Variants in SEMA5A observed in about 807,000 individuals in gnomAD.
SEMA5A encodes semaphorin-5A.
In SEMA5A, 55 loss-of-function variants were observed where a neutral mutation model predicts 135.5. The observed-to-expected ratio is 0.41, with a 90% CI of 0.33 to 0.51. The LOEUF is 0.51. SEMA5A is among the 20% of genes least tolerant of loss of function. The pLI is 0.37. For missense variants in SEMA5A, 1,290 were observed against 1,419.9 expected (o/e 0.91, Z 1.47); for synonymous variants, 580 against 546.5 (o/e 1.06, Z -0.85).
At chr5:9,182,482 ATTT>A (rs1001170749) in intron 11 of SEMA5A, among the ~76,000 whole-genome samples, 33 of 152,204 alleles carry the variant, frequency 2.2e-4, no homozygotes, top group African/African-American at 6.7e-4. Flanking sequence ...CACCCATGAA[ATTT>A]TACTACAGAT....
intron 5 of SEMA5A, chr5:9,280,903 TTAAA>T (rs1434052187): frequency 4.0e-6 from 1 of 247,034 alleles, no homozygotes; most frequent in Non-Finnish European, 8.5e-6. Context: ...TGTATACAAT[TTAAA>T]TAATTCCTCC....
At chr5:9,323,723 A>G (rs535786177) in intron 4 of SEMA5A, among the ~76,000 whole-genome samples, 2 of 135,322 alleles carry the variant, frequency 1.5e-5, no homozygotes, top group South Asian at 4.5e-4. Flanking sequence ...GTGCAATGGC[A>G]TGATCTCGAC....
intron 16 of SEMA5A, among the ~76,000 whole-genome samples, chr5:9,102,469 T>A (rs1300147251): frequency 6.6e-6 from 1 of 152,094 alleles, no homozygotes; most frequent in Admixed American, 6.6e-5. Context: ...CAGATAAAAT[T>A]GTCCCAGAAA....
intron 11 of SEMA5A, among the ~76,000 whole-genome samples, chr5:9,168,012 T>A (rs543405223): frequency 6.6e-6 from 1 of 152,244 alleles, no homozygotes; most frequent in Non-Finnish European, 1.5e-5. Flanking sequence ...TGTTAAAAAT[T>A]CTATAGGTGT....
chr5:9,537,489 C>T (rs1464090975), intron 1 of SEMA5A, among the ~76,000 whole-genome samples: 1 of 152,188 alleles, frequency 6.6e-6, no homozygotes, highest in African/African-American at 2.4e-5. Flanking sequence ...ATAAAAATGT[C>T]ACCCACCCCA....
At chr5:9,162,086 G>C (rs1357505191) in intron 11 of SEMA5A, among the ~76,000 whole-genome samples, 26 of 152,194 alleles carry the variant, frequency 1.7e-4, no homozygotes, top group Non-Finnish European at 1.5e-5. Context: ...ACGACCATTA[G>C]AAAAGGTTAT....
chr5:9,510,255 G>C (rs774860732), intron 1 of SEMA5A, among the ~76,000 whole-genome samples: 34 of 152,174 alleles, frequency 2.2e-4, no homozygotes, highest in Non-Finnish European at 4.7e-4. Context: ...GGGTCAGTGA[G>C]GATTCACAGC....
intron 1 of SEMA5A, among the ~76,000 whole-genome samples, chr5:9,519,484 G>C (rs1479618579): frequency 6.6e-6 from 1 of 152,202 alleles, no homozygotes; most frequent in East Asian, 1.9e-4. Flanking sequence ...ACTAGCTGCT[G>C]TGTCCAATCC....
At chr5:9,123,649 T>C (rs1740951113) in intron 13 of SEMA5A, among the ~76,000 whole-genome samples, 1 of 152,142 alleles carries the variant, frequency 6.6e-6, no homozygotes, top group Admixed American at 6.5e-5. Flanking sequence ...TATGTGCCTT[T>C]AAAAAATGAA....
chr5:9,460,265 T>C (rs1759005541), intron 1 of SEMA5A, among the ~76,000 whole-genome samples: 2 of 152,190 alleles, frequency 1.3e-5, no homozygotes, highest in African/African-American at 4.8e-5. Flanking sequence ...TGATAGGAGT[T>C]CATGGGTTAG....
At chr5:9,171,090 T>C (rs40719) in intron 11 of SEMA5A, among the ~76,000 whole-genome samples, 69,420 of 152,110 alleles carry the variant, frequency 0.46, 16,202 homozygotes, top group Non-Finnish European at 0.51. Context: ...ACTAGAATGA[T>C]GGCAAAAAGA....
intron 5 of SEMA5A, among the ~76,000 whole-genome samples, chr5:9,264,948 C>A (rs924648288): frequency 1.3e-5 from 2 of 152,102 alleles, no homozygotes; most frequent in Non-Finnish European, 2.9e-5. Context: ...AGTACATTAT[C>A]CCTTGTTTCA....
chr5:9,175,112 A>T (rs2150314799), intron 11 of SEMA5A, among the ~76,000 whole-genome samples: 1 of 152,262 alleles, frequency 6.6e-6, no homozygotes, highest in African/African-American at 2.4e-5. Context: ...ATTCAGCAGC[A>T]AGTGGGGGTG....
At chr5:9,138,179 A>T (rs891123853) in intron 12 of SEMA5A, among the ~76,000 whole-genome samples, 1 of 152,204 alleles carries the variant, frequency 6.6e-6, no homozygotes, top group Non-Finnish European at 1.5e-5. Context: ...AAACTCCTTG[A>T]TATGCGACCA....
intron 1 of SEMA5A, chr5:9,516,553 C>G (rs1736531047): frequency 6.6e-6 from 1 of 151,898 alleles, no homozygotes; most frequent in African/African-American, 2.4e-5. Flanking sequence ...CAAGAGAATC[C>G]TTTGTCATCC....
rs187063221 is a variant in SEMA5A, at chr5:9,149,558, A to C, written c.1481+4930T>G. ...ACTTGGGAGGCTGAGGCAGGAGAAT[A>C]ACTTGAACTCGGAAGATGGAGGTTG... On this transcript the variant is annotated intron_variant, in intron 12 of 22. Coordinates refer to ENST00000382496, the MANE Select transcript of SEMA5A (RefSeq NM_003966.3). Among the ~76,000 whole-genome samples the C allele has an allele frequency of 3.5e-3, 537 of 152,268 alleles. 2 individuals are homozygous for C. Among genetic ancestry groups the C allele is most frequent in the African/African-American group, 0.012 (518 of 41,564 alleles).
chr5:9,213,187 G>T (rs569407171), intron 8 of SEMA5A, among the ~76,000 whole-genome samples: 1 of 152,294 alleles, frequency 6.6e-6, no homozygotes, highest in African/African-American at 2.4e-5. Flanking sequence ...CCATTACATT[G>T]AAGGTTCAAT....
At chr5:9,043,627 G>A (rs1374913118) in intron 22 of SEMA5A, among the ~76,000 whole-genome samples, 2 of 152,176 alleles carry the variant, frequency 1.3e-5, no homozygotes, top group African/African-American at 4.8e-5. Context: ...GGATTAAAAT[G>A]AAGATGAAGG....
At chr5:9,131,029 A>T (rs2150205083) in intron 13 of SEMA5A, among the ~76,000 whole-genome samples, 1 of 152,246 alleles carries the variant, frequency 6.6e-6, no homozygotes, top group Admixed American at 6.5e-5. Flanking sequence ...CATTGAGGAG[A>T]ATCCTGTTAT....
Sources: allele counts gnomAD v4.1 joint callset (sites outside exome capture counted in the v4.1 genomes callset), GRCh38; gene constraint gnomAD v4.1.1; transcripts MANE v1.5; gene names NCBI Gene and HGNC (gene_info 2026-07-23, HGNC 2026-07-21).